PCNX2: variants seen among roughly 807,000 people sequenced by gnomAD.
PCNX2 encodes pecanex 2.
Under a neutral mutation model 223.8 loss-of-function variants are expected in PCNX2, and 168 were observed. That is an observed-to-expected ratio of 0.75 (90% CI 0.66 to 0.85). The LOEUF (loss-of-function observed/expected upper bound fraction) is 0.85. PCNX2 is among the 40% of genes least tolerant of loss of function. The probability of loss-of-function intolerance (pLI) is 0.00; values close to 1 mark genes in which losing one functional copy is unlikely to be tolerated. For missense variants in PCNX2, 2,507 were observed against 2,675.5 expected, an observed-to-expected ratio of 0.94 and a Z score of 1.39; for synonymous variants, 1,006 against 1,052.6, an observed-to-expected ratio of 0.96 and a Z score of 0.86.
At position 233,258,924 on chromosome 1, in the gene PCNX2, G is replaced by A. The variant is rs1201787602; in HGVS notation, c.938C>T (p.Pro313Leu). 1.9e-6 allele frequency: 3 copies of A among 1,613,834 alleles called. No individual in the cohort carries two copies. Among genetic ancestry groups the A allele is most frequent in the Non-Finnish European group, 2.5e-6 (3 of 1,179,898 alleles). Residue 313 changes from proline (P) to leucine (L), a missense_variant, in exon 5 of 34, where the codon CCT becomes CTT. Pro to Leu is a moderately conservative substitution (Grantham distance 98). Coordinates refer to ENST00000258229, the MANE Select transcript of PCNX2 (RefSeq NM_014801.4). The part of the protein sequence containing the change: ...SPQDSLSSSC[P>L]QCDTIVAKPV... ...CTTGGCCACGATGGTGTCACATTGA[G>A]GGCAGCTGCTGCTCAGGCTGTCCTG...
At chr1:233,099,403 T>C (rs566801286) in intron 21 of PCNX2, among the ~76,000 whole-genome samples, 2 of 152,318 alleles carry the variant, frequency 1.3e-5, no homozygotes, top group South Asian at 4.1e-4. Flanking sequence ...AAGGACCTGA[T>C]CTGCCCTGAA....
At chr1:233,310,201 C>T in the PCNX2 span, among the ~76,000 whole-genome samples, 1 of 151,878 alleles carries the variant, frequency 6.6e-6, no homozygotes, top group Non-Finnish European at 1.5e-5. Context: ...AGGCTAATAG[C>T]CAACTAGGAA....
intron 19 of PCNX2, among the ~76,000 whole-genome samples, chr1:233,150,482 AAAGTTT>A (rs1677732409): frequency 6.6e-6 from 1 of 152,204 alleles, no homozygotes; most frequent in Non-Finnish European, 1.5e-5. Context: ...TCAGAATATT[AAAGTTT>A]ATGTTTTTCA....
chr1:233,190,922 GC>G (rs1297181921), intron 15 of PCNX2, among the ~76,000 whole-genome samples: 1 of 152,204 alleles, frequency 6.6e-6, no homozygotes, highest in Non-Finnish European at 1.5e-5. Flanking sequence ...CTCCTGGGCA[GC>G]CCGAGGTACT....
intron 21 of PCNX2, among the ~76,000 whole-genome samples, chr1:233,118,026 A>G (rs1344907743): frequency 9.6e-5 from 14 of 146,502 alleles, no homozygotes; most frequent in Non-Finnish European, 1.8e-4. Context: ...AAAAAAAAGA[A>G]TAATTATAGA....
At chr1:233,149,483 T>C (rs1213108725) in intron 19 of PCNX2, among the ~76,000 whole-genome samples, 8 of 152,060 alleles carry the variant, frequency 5.3e-5, no homozygotes, top group African/African-American at 1.9e-4. Context: ...GAATCAACTA[T>C]CCCTGGTGTC....
At chr1:233,071,092 T>C (rs1454862656) in intron 23 of PCNX2, among the ~76,000 whole-genome samples, 3 of 152,222 alleles carry the variant, frequency 2.0e-5, no homozygotes, top group African/African-American at 7.2e-5. Flanking sequence ...TACTTAATGG[T>C]GAAAAATTGA....
rs972817953 is a variant in PCNX2 at position 233,074,411 on chromosome 1, G to A, written c.4076+15650C>T. Among the ~76,000 whole-genome samples the A allele has an allele frequency of 7.2e-5, 11 of 151,926 alleles. No homozygotes were observed. The East Asian group carries it at 1.4e-3, about 19-fold the overall frequency. ...AGATCGAGACCATCCCGGCTAAAACGGTGAAACCCCGTCTCTACTAAAAAT... is the reference window on the plus strand; with the variant it reads ...AGATCGAGACCATCCCGGCTAAAACAGTGAAACCCCGTCTCTACTAAAAAT... On this transcript the variant is annotated intron_variant, in intron 23 of 33. Transcript: ENST00000258229.
the PCNX2 span, among the ~76,000 whole-genome samples, chr1:233,313,215 C>G: frequency 8.5e-5 from 13 of 152,196 alleles, no homozygotes; most frequent in Non-Finnish European, 1.6e-4. Context: ...TTCTGGGCTT[C>G]TGGCAATGCT....
intron 21 of PCNX2, among the ~76,000 whole-genome samples, chr1:233,117,109 A>C (rs949412842): frequency 6.6e-6 from 1 of 152,184 alleles, no homozygotes; most frequent in African/African-American, 2.4e-5. Flanking sequence ...AGGTAATTTA[A>C]ATATCCCTAC....
chr1:233,258,557 C>A lies in PCNX2; in HGVS notation c.1305G>T (p.Leu435=). 6.2e-7 allele frequency: 1 copy of A among 1,613,978 alleles called. No individual in the cohort carries two copies. The highest frequency in any genetic ancestry group is 8.5e-7 in the Non-Finnish European group (1 of 1,179,886). Reference sequence around the variant, plus strand: ...GAACACCTCCTCCCCCACCCTCAGGCAGGTCCAGGGTGATTACAGGAATTG... The same window carrying A: ...GAACACCTCCTCCCCCACCCTCAGGAAGGTCCAGGGTGATTACAGGAATTG... ...QISIPVITLD[L]PEGGGGGVPC... Residue 435 remains leucine, a synonymous_variant, in exon 5 of 34, where the codon CTG becomes CTT. Transcript: ENST00000258229.
chr1:233,295,639 T>A lies in PCNX2; in HGVS notation c.-161A>T. 2 of 781,412 alleles carry A rather than the reference T, an allele frequency of 2.6e-6. No individual in the cohort carries two copies. The highest frequency in any genetic ancestry group is 3.5e-6 in the Non-Finnish European group (2 of 573,308). 48.4% of individuals were successfully genotyped at this position (781,412 alleles called of 1,614,324 possible). On this transcript the variant is annotated 5_prime_UTR_variant, in exon 1 of 34. Transcript: ENST00000258229. The surrounding 1 kb of genome is among the most constrained non-coding windows in gnomAD (Gnocchi z 4.1). ...CCTCCTTCCACCCCACGTTTGAAGC[T>A]GGAGCTGCTCTTCCGCCCGGACCCG...
Position 232,999,311 on chromosome 1 carries a change from G to C in PCNX2, c.5397C>G (p.Arg1799=), listed in dbSNP as rs1424434375. 1 of 1,607,650 alleles carries C rather than the reference G, an allele frequency of 6.2e-7. No individual in the cohort carries two copies. The highest frequency in any genetic ancestry group is 2.2e-5 in the East Asian group (1 of 44,720). The change falls in exon 31 of 34, where the codon CGC becomes CGG. Residue 1799 remains arginine (R), a synonymous_variant. Coordinates refer to ENST00000258229, the MANE Select transcript of PCNX2 (RefSeq NM_014801.4). Reference sequence around the variant, plus strand: ...TCTGGATACTGCCGCGCTCCGGATTGCGGTTGCGAAGAAATATAAGCTCCT... The same window carrying C: ...TCTGGATACTGCCGCGCTCCGGATTCCGGTTGCGAAGAAATATAAGCTCCT... The part of the protein sequence containing the change: ...QQQELIFLRN[R]NPERGSIQNN...
chr1:233,181,365 A>G (rs73109249), intron 15 of PCNX2, among the ~76,000 whole-genome samples: 2,507 of 152,092 alleles, frequency 0.016, 56 homozygotes, highest in African/African-American at 0.057. Flanking sequence ...ACACCCAGCT[A>G]ATTTTTTATT....
At chr1:233,140,438 G>A (rs920351414) in intron 19 of PCNX2, among the ~76,000 whole-genome samples, 2 of 152,166 alleles carry the variant, frequency 1.3e-5, no homozygotes, top group African/African-American at 4.8e-5. Context: ...TCCATTAAGG[G>A]CTAAGGTTTT....
intron 15 of PCNX2, among the ~76,000 whole-genome samples, chr1:233,192,635 G>C (rs1193664528): frequency 6.6e-6 from 1 of 151,972 alleles, no homozygotes; most frequent in African/African-American, 2.4e-5. Context: ...GAAATTTTTA[G>C]AAAATATCTG....
Position 233,258,586 on chromosome 1 carries a change from T to A in PCNX2, c.1276A>T (p.Ile426Phe), listed in dbSNP as rs764920484. ...TCCAGGGTGATTACAGGAATTGAGA[T>A]CTGCTCGGCATTTGGAGAACCGGCC... Reference protein sequence around the residue: ...GAAGSPNAEQISIPVITLDLP... With the variant: ...GAAGSPNAEQFSIPVITLDLP... Residue 426 changes from isoleucine (I) to phenylalanine (F), a missense_variant, in exon 5 of 34, where the codon ATC (isoleucine) becomes TTC (phenylalanine). Coordinates refer to ENST00000258229, the MANE Select transcript of PCNX2 (RefSeq NM_014801.4). 4.6e-5 allele frequency: 74 copies of A among 1,613,846 alleles called. 2 individuals are homozygous for A. The Admixed American group carries it at 1.2e-3, about 27-fold the overall frequency.
intron 1 of PCNX2, among the ~76,000 whole-genome samples, chr1:233,293,674 GCTAT>G (rs1286043803): frequency 1.3e-5 from 2 of 152,136 alleles, no homozygotes; most frequent in East Asian, 3.9e-4. Flanking sequence ...ATTAAAAAGG[GCTAT>G]CTCTTACTGA....
rs113414649 is a variant in PCNX2, at chr1:233,285,895, G to A, written c.153+9431C>T. On this transcript the variant is annotated intron_variant, in intron 1 of 33. Coordinates refer to ENST00000258229, the MANE Select transcript of PCNX2 (RefSeq NM_014801.4). Reference sequence around the variant, plus strand: ...GGAATACCATGCAGACATGAATAATGAGGAGGCTCTTTGTGTCATGATCTC... The same window carrying A: ...GGAATACCATGCAGACATGAATAATAAGGAGGCTCTTTGTGTCATGATCTC... Among the ~76,000 whole-genome samples, 287 of 152,358 alleles carry A rather than the reference G, an allele frequency of 1.9e-3. 1 individual carries two copies. Among genetic ancestry groups the A allele is most frequent in the African/African-American group, 6.2e-3 (256 of 41,572 alleles).
Sources: allele counts gnomAD v4.1 joint callset (sites outside exome capture counted in the v4.1 genomes callset), GRCh38; gene constraint gnomAD v4.1.1; non-coding constraint Gnocchi (gnomAD v3.1); transcripts MANE v1.5; gene names NCBI Gene and HGNC (gene_info 2026-07-23, HGNC 2026-07-21).